Variants in HDGFL3 observed in about 807,000 individuals in gnomAD.
HDGFL3 encodes the protein HDGF like 3.
HDGFL3 carries 6 observed loss-of-function variants against 27.6 expected under a neutral mutation model. The observed-to-expected ratio is 0.22, with a 90% CI of 0.12 to 0.43. The LOEUF (loss-of-function observed/expected upper bound fraction) is 0.43. Ranked by LOEUF, HDGFL3 falls within the 20% of genes least tolerant of loss-of-function variation. The pLI is 1.00. For missense variants in HDGFL3, 207 were observed against 250.1 expected (o/e 0.83, Z 1.16); for synonymous variants, 88 against 88.9 (o/e 0.99, Z 0.05).
At chr15:83,169,193 G>A (rs772574299) in intron 1 of HDGFL3, 40 of 439,138 alleles carry the variant, frequency 9.1e-5, no homozygotes, top group African/African-American at 3.7e-4. Flanking sequence ...CATGCCCCTC[G>A]AGAATTGAAA....
chr15:83,119,286 G>C (rs1239013938), intron 3 of HDGFL3, among the ~76,000 whole-genome samples: 2 of 152,210 alleles, frequency 1.3e-5, no homozygotes, highest in Non-Finnish European at 2.9e-5. Context: ...CATACAGCCA[G>C]GATTGCCTAT....
chr15:83,182,759 T>G (rs1028776049), intron 1 of HDGFL3, among the ~76,000 whole-genome samples: 14 of 152,294 alleles, frequency 9.2e-5, no homozygotes, highest in African/African-American at 3.4e-4. Context: ...CCTCAAAAGT[T>G]TAAATAAATA....
chr15:83,177,640 G>T (rs1596560376), intron 1 of HDGFL3, among the ~76,000 whole-genome samples: 1 of 152,134 alleles, frequency 6.6e-6, no homozygotes, highest in South Asian at 2.1e-4. Context: ...GATAATCTTT[G>T]CATATTTGAA....
chr15:83,179,175 C>G (rs1313036600), intron 1 of HDGFL3: 1 of 152,308 alleles, frequency 6.6e-6, no homozygotes, highest in Non-Finnish European at 1.5e-5. Flanking sequence ...CTCCCACTGC[C>G]CCTGGTGGGG....
At chr15:83,153,974 C>T (rs2036995161) in intron 4 of HDGFL3, among the ~76,000 whole-genome samples, 1 of 151,872 alleles carries the variant, frequency 6.6e-6, no homozygotes, top group African/African-American at 2.4e-5. Context: ...AGTTTGTGAG[C>T]CACTAATTTT....
At chr15:83,144,578 G>A (rs138992554) in intron 5 of HDGFL3, 2 of 455,086 alleles carry the variant, frequency 4.4e-6, no homozygotes, top group Non-Finnish European at 8.8e-6. Flanking sequence ...AGGCATCAGA[G>A]GAGGCCTCTG....
chr15:83,131,212 A>G lies in HDGFL3; in HGVS notation c.*8058T>C, dbSNP rs1337336624. 2 of 152,270 alleles carry G rather than the reference A, an allele frequency of 1.3e-5. No individual in the cohort carries two copies. Among genetic ancestry groups the G allele is most frequent in the Non-Finnish European group, 2.9e-5 (2 of 68,026 alleles). The allele number at this position is 152,270 out of a possible 1,614,324, so 9.4% of individuals were successfully genotyped here. Reference sequence around the variant, plus strand: ...AGAAACCTTATGCATTCATGATCCCACTAACTTTACTAAAACTTACTTTTA... The same window carrying G: ...AGAAACCTTATGCATTCATGATCCCGCTAACTTTACTAAAACTTACTTTTA... On this transcript the variant is annotated 3_prime_UTR_variant, in exon 6 of 6. Coordinates refer to ENST00000299633, the MANE Select transcript of HDGFL3 (RefSeq NM_016073.4).
chr15:83,200,855 TC>T (rs1359627752), intron 1 of HDGFL3, among the ~76,000 whole-genome samples: 2 of 143,298 alleles, frequency 1.4e-5, no homozygotes, highest in African/African-American at 5.5e-5. Flanking sequence ...ATTACTTTAT[TC>T]TTTTTTTTTT....
In HDGFL3 at chr15:83,207,618, C is replaced by A; in HGVS notation, c.-204G>T. 3.7e-6 allele frequency: 1 copy of A among 269,646 alleles called. No homozygotes were observed. The highest frequency in any genetic ancestry group is 1.5e-4 in the South Asian group (1 of 6,670). The allele number at this position is 269,646 out of a possible 1,614,324, so 16.7% of individuals were successfully genotyped here. Reference sequence around the variant, plus strand: ...GCAGCAGGCCCGGCAAATCACGGCCCGGCAGCGGGGGAGGGGAGCCCCCGG... The same window carrying A: ...GCAGCAGGCCCGGCAAATCACGGCCAGGCAGCGGGGGAGGGGAGCCCCCGG... On this transcript the variant is annotated 5_prime_UTR_variant, in exon 1 of 6. Transcript: ENST00000299633. This position sits in a 1 kb window ranked among gnomAD's most constrained non-coding sequence, Gnocchi z 4.8.
chr15:83,162,513 G>A (rs929969397), intron 2 of HDGFL3, among the ~76,000 whole-genome samples: 3 of 152,080 alleles, frequency 2.0e-5, no homozygotes, highest in African/African-American at 7.2e-5. Context: ...GCATCATAAA[G>A]CCCTATACAT....
At chr15:83,162,516 C>T (rs2151404819) in intron 2 of HDGFL3, among the ~76,000 whole-genome samples, 1 of 152,222 alleles carries the variant, frequency 6.6e-6, no homozygotes, top group Middle Eastern at 3.4e-3. Flanking sequence ...TCATAAAGCC[C>T]TATACATTTA....
chr15:83,127,643 T>C, downstream of HDGFL3: 1 of 687,030 alleles, frequency 1.5e-6, no homozygotes. Context: ...TACATTTTAT[T>C]TCAATCTCAC....
At chr15:83,188,362 C>T (rs1379628606) in intron 1 of HDGFL3, among the ~76,000 whole-genome samples, 14 of 152,218 alleles carry the variant, frequency 9.2e-5, no homozygotes, top group South Asian at 2.1e-4. Context: ...GCAATTCTCG[C>T]GCCTCAGCCT....
intron 1 of HDGFL3, among the ~76,000 whole-genome samples, chr15:83,192,539 T>C (rs1001871468): frequency 2.0e-5 from 3 of 152,208 alleles, no homozygotes; most frequent in Non-Finnish European, 2.9e-5. Flanking sequence ...AATGAGCTAA[T>C]TGTAATATTT....
In HDGFL3 at chr15:83,137,259, C is replaced by T. The variant is rs905879713; in HGVS notation, c.*2011G>A. 2 of 152,064 alleles carry T rather than the reference C, an allele frequency of 1.3e-5. No individual in the cohort carries two copies. Among genetic ancestry groups the T allele is most frequent in the South Asian group, 2.1e-4 (1 of 4,836 alleles). 9.4% of individuals were successfully genotyped at this position (152,064 alleles called of 1,614,324 possible). ...TAAACAGCTAAATAGGGATCAGTAA[C>T]TTTATCTCTATCCTTAATGAACATT... is the stretch of plus-strand genomic sequence containing the variant. On this transcript the variant is annotated 3_prime_UTR_variant, in exon 6 of 6. Coordinates refer to ENST00000299633, the MANE Select transcript of HDGFL3 (RefSeq NM_016073.4).
chr15:83,139,272 A>T lies in HDGFL3; in HGVS notation c.610T>A (p.Ter204LysextTer3). Reference sequence around the variant, plus strand: ...ATATGCAGCATTCATTATGGTAGTTAGGTCTGTAAAAAAAAAAAAAAGAAA... The same window carrying T: ...ATATGCAGCATTCATTATGGTAGTTTGGTCTGTAAAAAAAAAAAAAAGAAA... ...SDLQKTSEGT[*>K] is the part of the protein sequence containing the mutation. Residue 204 changes from the stop codon to lysine, a stop_lost, in exon 6 of 6, where the codon TAA becomes AAA. Transcript: ENST00000299633. 1 of 1,421,652 alleles carries T rather than the reference A, an allele frequency of 7.0e-7. No homozygotes were observed. Among genetic ancestry groups the T allele is most frequent in the Non-Finnish European group, 9.4e-7 (1 of 1,059,838 alleles). 88.1% of individuals were successfully genotyped at this position (1,421,652 alleles called of 1,614,324 possible). A position where few individuals can be genotyped will look rare whatever the true frequency, so the allele number is the denominator to read the frequency against.
chr15:83,200,511 C>T (rs2037631855), intron 1 of HDGFL3, among the ~76,000 whole-genome samples: 1 of 152,218 alleles, frequency 6.6e-6, no homozygotes, highest in Admixed American at 6.5e-5. Flanking sequence ...TGAGACTTTA[C>T]TACGTTCCCT....
At chr15:83,142,111 G>A (rs984275492) in intron 5 of HDGFL3, among the ~76,000 whole-genome samples, 1 of 152,092 alleles carries the variant, frequency 6.6e-6, no homozygotes, top group Admixed American at 6.5e-5. Context: ...AATCAGTAGG[G>A]CAATTCCTCA....
chr15:83,180,608 G>T (rs2037368573), intron 1 of HDGFL3, among the ~76,000 whole-genome samples: 1 of 151,208 alleles, frequency 6.6e-6, no homozygotes, highest in South Asian at 2.1e-4. Context: ...TTAAAAATAA[G>T]AGTCTGTTTG....
Sources: allele counts gnomAD v4.1 joint callset (sites outside exome capture counted in the v4.1 genomes callset), GRCh38; gene constraint gnomAD v4.1.1; non-coding constraint Gnocchi (gnomAD v3.1); transcripts MANE v1.5; gene names NCBI Gene and HGNC (gene_info 2026-07-23, HGNC 2026-07-21).